The following LARGE1 variants were observed in gnomAD, a reference collection of about 807,000 sequenced individuals.
The protein encoded by LARGE1 is LARGE xylosyl- and glucuronyltransferase 1.
LARGE1 carries 43 observed loss-of-function variants against 87.6 expected under a neutral mutation model. The ratio of observed to expected loss-of-function variants is 0.49; its 90% CI spans 0.38 to 0.63. The LOEUF (loss-of-function observed/expected upper bound fraction) is 0.63, where lower values mean the gene tolerates loss of function less well. LARGE1 is among the 30% of genes least tolerant of loss of function. The pLI, the probability that LARGE1 is intolerant of heterozygous loss-of-function variation, is 0.00. For missense variants in LARGE1, 802 were observed against 1,000.2 expected (o/e 0.80, Z 2.67); for synonymous variants, 434 against 394.6 (o/e 1.10, Z -1.18).
intron 1 of LARGE1, among the ~76,000 whole-genome samples, chr22:33,847,897 A>G (rs1206529418): frequency 6.6e-6 from 1 of 152,238 alleles, no homozygotes; most frequent in East Asian, 1.9e-4. Flanking sequence ...AGTATAAGCC[A>G]TAGCCCCTGA....
At chr22:33,791,560 A>G (rs946708362) in intron 1 of LARGE1, among the ~76,000 whole-genome samples, 1 of 152,232 alleles carries the variant, frequency 6.6e-6, no homozygotes, top group African/African-American at 2.4e-5. Flanking sequence ...CCTAAAGGGA[A>G]AAGTGCCACT....
chr22:33,474,353 G>T (rs996061606), intron 6 of LARGE1, among the ~76,000 whole-genome samples: 1 of 152,066 alleles, frequency 6.6e-6, no homozygotes, highest in African/African-American at 2.4e-5. Context: ...AGTAGAAATG[G>T]GGTTTCACCA....
At chr22:33,764,892 T>C (rs755422427) in intron 1 of LARGE1, among the ~76,000 whole-genome samples, 3 of 152,156 alleles carry the variant, frequency 2.0e-5, no homozygotes, top group Non-Finnish European at 4.4e-5. Context: ...GTTGCAACCA[T>C]CCGTTTTTTT....
chr22:33,817,144 C>T (rs184644330), intron 1 of LARGE1, among the ~76,000 whole-genome samples: 5 of 152,274 alleles, frequency 3.3e-5, no homozygotes, highest in East Asian at 1.9e-4. Flanking sequence ...ACTGGAGGCT[C>T]GGCAGTTTCC....
chr22:33,447,723 C>A (rs2067741161), intron 6 of LARGE1, among the ~76,000 whole-genome samples: 1 of 152,076 alleles, frequency 6.6e-6, no homozygotes, highest in Non-Finnish European at 1.5e-5. Flanking sequence ...GGGGTAAGTC[C>A]CTCGGGAGCA....
At chr22:33,171,191 G>A (rs967755401) in intron 11 of LARGE1, among the ~76,000 whole-genome samples, 1 of 152,198 alleles carries the variant, frequency 6.6e-6, no homozygotes, top group African/African-American at 2.4e-5. Context: ...CATTCAAGAT[G>A]TGACCTGGCT....
intron 11 of LARGE1, among the ~76,000 whole-genome samples, chr22:33,172,763 T>C (rs185008101): frequency 2.1e-4 from 32 of 152,182 alleles, no homozygotes; most frequent in Admixed American, 1.6e-3. Context: ...ATATCAGAGA[T>C]TGAAGATCAA....
At chr22:33,630,837 T>TA (rs1364281235) in intron 3 of LARGE1, among the ~76,000 whole-genome samples, 3 of 151,316 alleles carry the variant, frequency 2.0e-5, no homozygotes, top group Non-Finnish European at 4.4e-5. Flanking sequence ...TTTACAAATT[T>TA]AAAATTTTTT....
chr22:33,266,415 G>C (rs1164817048), intron 11 of LARGE1, among the ~76,000 whole-genome samples: 2 of 151,178 alleles, frequency 1.3e-5, no homozygotes, highest in African/African-American at 4.9e-5. Context: ...GTAGAGATGG[G>C]GTTTCACCAT....
At chr22:33,661,065 G>T (rs1180386757) in intron 2 of LARGE1, among the ~76,000 whole-genome samples, 1 of 151,914 alleles carries the variant, frequency 6.6e-6, no homozygotes, top group Non-Finnish European at 1.5e-5. Flanking sequence ...CACATGGGAT[G>T]ATTTTTTAGC....
the LARGE1 span, among the ~76,000 whole-genome samples, chr22:33,096,090 C>T: frequency 5.3e-5 from 8 of 152,134 alleles, no homozygotes; most frequent in Non-Finnish European, 1.2e-4. Flanking sequence ...CTCTGTTTTC[C>T]TCTGAGTTTT....
chr22:33,277,977 C>A (rs1157749423), intron 13 of LARGE1, among the ~76,000 whole-genome samples: 1 of 152,128 alleles, frequency 6.6e-6, no homozygotes, highest in African/African-American at 2.4e-5. Flanking sequence ...AATGCTCTCC[C>A]CTTGAGGCAG....
chr22:33,537,725 C>A (rs1471713960), intron 6 of LARGE1, among the ~76,000 whole-genome samples: 3 of 152,134 alleles, frequency 2.0e-5, no homozygotes, highest in African/African-American at 4.8e-5. Flanking sequence ...TGCCACCATG[C>A]CCAGCAAAAT....
chr22:33,907,892 C>T (rs1251402140), intron 1 of LARGE1, among the ~76,000 whole-genome samples: 3 of 152,140 alleles, frequency 2.0e-5, no homozygotes, highest in South Asian at 2.1e-4. Context: ...CCACCGTGCC[C>T]GGCCTGTGTG....
intron 6 of LARGE1, among the ~76,000 whole-genome samples, chr22:33,541,951 TCAAGAGTTGGAGAACAGCCTGGCCAA>T (rs1006873549): frequency 1.3e-5 from 2 of 151,518 alleles, no homozygotes; most frequent in Non-Finnish European, 1.5e-5. Flanking sequence ...TCACCTGAGG[TCAAGAGTTGGAGAACAGCCTGGCCAA>T]CATGGTGAAA....
chr22:33,390,904 C>T (rs1453734562), intron 7 of LARGE1, among the ~76,000 whole-genome samples: 1 of 152,148 alleles, frequency 6.6e-6, no homozygotes, highest in Non-Finnish European at 1.5e-5. Flanking sequence ...ACCATGTTAG[C>T]CAGGCTGGTC....
At chr22:33,850,141 C>T (rs185637196) in intron 1 of LARGE1, among the ~76,000 whole-genome samples, 1 of 152,138 alleles carries the variant, frequency 6.6e-6, no homozygotes, top group African/African-American at 2.4e-5. Context: ...TATTTAAACC[C>T]ATCAGGAGAA....
chr22:33,875,170 C>T (rs558616637), intron 1 of LARGE1, among the ~76,000 whole-genome samples: 1 of 152,268 alleles, frequency 6.6e-6, no homozygotes. Flanking sequence ...TTTATTCTGG[C>T]TTTTGAATTA....
At chr22:33,753,913 A>AAT (rs1556028385) in intron 2 of LARGE1, among the ~76,000 whole-genome samples, 1 of 151,820 alleles carries the variant, frequency 6.6e-6, no homozygotes, top group African/African-American at 2.4e-5. Context: ...AACAAAAAAA[A>AAT]TAACTGGGCA....
Sources: gnomAD v4.1 joint callset for allele counts (sites outside exome capture counted in the v4.1 genomes callset) on GRCh38, gnomAD v4.1.1 for gene constraint, MANE v1.5 for transcripts, NCBI Gene and HGNC (gene_info 2026-07-23, HGNC 2026-07-21) for gene names.